Variants in CCSER1 observed in about 807,000 individuals in gnomAD.
The protein encoded by CCSER1 is coiled-coil serine rich protein 1, also known as serine-rich coiled-coil domain-containing protein 1.
In CCSER1, 41 loss-of-function variants were observed where a neutral mutation model predicts 82.0. The observed-to-expected ratio is 0.50, with a 90% confidence interval of 0.39 to 0.65. The LOEUF (loss-of-function observed/expected upper bound fraction) is 0.65, where lower values mean the gene tolerates loss of function less well. Ranked by LOEUF, CCSER1 falls within the 30% of genes least tolerant of loss-of-function variation. The probability of loss-of-function intolerance (pLI) is 0.00; values close to 1 mark genes in which losing one functional copy is unlikely to be tolerated. For missense variants in CCSER1, 1,119 were observed against 1,064.2 expected (o/e 1.05, Z -0.72); for synonymous variants, 414 against 383.9 (o/e 1.08, Z -0.92).
At chr4:90,248,892 G>T (rs112295085) in intron 1 of CCSER1, among the ~76,000 whole-genome samples, 6,766 of 151,412 alleles carry the variant, frequency 0.045, 383 homozygotes, top group African/African-American at 0.13. Flanking sequence ...TAGAGACAGG[G>T]TTTCACCATG....
At chr4:91,063,237 C>G (rs952536433) in intron 9 of CCSER1, among the ~76,000 whole-genome samples, 1 of 151,986 alleles carries the variant, frequency 6.6e-6, no homozygotes, top group Non-Finnish European at 1.5e-5. Flanking sequence ...AGATAGAGAC[C>G]AGTTGCAACT....
intron 1 of CCSER1, among the ~76,000 whole-genome samples, chr4:90,266,690 T>C (rs1725291775): frequency 6.6e-6 from 1 of 152,076 alleles, no homozygotes. Flanking sequence ...ATCAGGATTT[T>C]GCACTGGAAG....
chr4:91,310,252 C>T (rs1019290873), intron 10 of CCSER1, among the ~76,000 whole-genome samples: 15 of 151,842 alleles, frequency 9.9e-5, no homozygotes, highest in Non-Finnish European at 7.4e-5. Context: ...ATTTTATTAT[C>T]GTGCCTTGAC....
At chr4:90,369,024 G>T (rs2153523145) in intron 3 of CCSER1, among the ~76,000 whole-genome samples, 1 of 151,734 alleles carries the variant, frequency 6.6e-6, no homozygotes, top group Admixed American at 6.6e-5. Context: ...GAATGCCAAA[G>T]AAATAAATTT....
At chr4:91,340,311 G>A (rs1747626481) in intron 10 of CCSER1, among the ~76,000 whole-genome samples, 1 of 152,146 alleles carries the variant, frequency 6.6e-6, no homozygotes, top group South Asian at 2.1e-4. Context: ...AGATAAGGAA[G>A]AATTACTGTC....
intron 4 of CCSER1, among the ~76,000 whole-genome samples, chr4:90,437,088 T>C (rs1171946380): frequency 1.3e-5 from 2 of 152,182 alleles, no homozygotes; most frequent in Non-Finnish European, 2.9e-5. Flanking sequence ...CCCAAAGTGC[T>C]GGGATTTCAG....
chr4:90,269,561 G>A (rs148784632), intron 1 of CCSER1, among the ~76,000 whole-genome samples: 2 of 151,948 alleles, frequency 1.3e-5, no homozygotes, highest in African/African-American at 4.8e-5. Context: ...ATAGCTATAA[G>A]TATCTACATC....
At chr4:90,445,517 G>A (rs938250748) in intron 4 of CCSER1, among the ~76,000 whole-genome samples, 1 of 152,006 alleles carries the variant, frequency 6.6e-6, no homozygotes, top group Admixed American at 6.6e-5. Context: ...TTGTAGTGAT[G>A]TAAAATGTAG....
intron 1 of CCSER1, among the ~76,000 whole-genome samples, chr4:90,281,733 G>A (rs1026205979): frequency 1.3e-5 from 2 of 152,004 alleles, no homozygotes; most frequent in Non-Finnish European, 2.9e-5. Context: ...TCTGAAAACC[G>A]TAATTAGTAA....
intron 7 of CCSER1, chr4:90,725,085 T>C (rs1743395489): frequency 5.4e-6 from 2 of 373,678 alleles, no homozygotes; most frequent in Non-Finnish European, 1.1e-5. Context: ...CATTATTTAT[T>C]GAAACATTTT....
intron 8 of CCSER1, among the ~76,000 whole-genome samples, chr4:90,849,003 TA>T (rs1225374529): frequency 6.6e-6 from 1 of 152,242 alleles, no homozygotes; most frequent in Admixed American, 6.5e-5. Flanking sequence ...CATTTCTTTA[TA>T]AATTACCCAG....
At chr4:91,139,553 T>G (rs1728825495) in intron 10 of CCSER1, among the ~76,000 whole-genome samples, 1 of 152,108 alleles carries the variant, frequency 6.6e-6, no homozygotes, top group African/African-American at 2.4e-5. Context: ...AGGGGACAAA[T>G]GTAGTCATTG....
chr4:91,172,639 T>C (rs903934384), intron 10 of CCSER1, among the ~76,000 whole-genome samples: 1 of 152,194 alleles, frequency 6.6e-6, no homozygotes, highest in African/African-American at 2.4e-5. Context: ...CTAGTCAGAC[T>C]CTTCTGATCA....
chr4:91,166,789 A>C (rs1732129698), intron 10 of CCSER1, among the ~76,000 whole-genome samples: 1 of 152,174 alleles, frequency 6.6e-6, no homozygotes, highest in Admixed American at 6.5e-5. Flanking sequence ...ACGTGTAAAC[A>C]ATTAATGCTT....
chr4:91,369,251 G>T (rs1309897174), intron 10 of CCSER1, among the ~76,000 whole-genome samples: 1 of 152,170 alleles, frequency 6.6e-6, no homozygotes, highest in South Asian at 2.1e-4. Context: ...TACCCAAAGG[G>T]GATTGCTCCT....
chr4:91,541,585 C>A (rs1761599881), intron 10 of CCSER1, among the ~76,000 whole-genome samples: 1 of 152,176 alleles, frequency 6.6e-6, no homozygotes, highest in Admixed American at 6.5e-5. Context: ...GCATAGTATT[C>A]CATGGTGTAT....
intron 10 of CCSER1, among the ~76,000 whole-genome samples, chr4:91,167,150 G>T (rs1732164821): frequency 1.4e-5 from 2 of 146,498 alleles, no homozygotes; most frequent in South Asian, 2.2e-4. Flanking sequence ...ATTTGAATAA[G>T]TATAAAAATT....
At chr4:91,446,316 A>C (rs1755548944) in intron 10 of CCSER1, among the ~76,000 whole-genome samples, 1 of 152,116 alleles carries the variant, frequency 6.6e-6, no homozygotes, top group Admixed American at 6.6e-5. Flanking sequence ...TTTATTCATA[A>C]ATTAAGTAAA....
chr4:91,358,790 G>T (rs1055193258), intron 10 of CCSER1, among the ~76,000 whole-genome samples: 1 of 152,096 alleles, frequency 6.6e-6, no homozygotes, highest in African/African-American at 2.4e-5. Flanking sequence ...CTCTGGCGAG[G>T]TGTTCCACTG....
Sources: gnomAD v4.1 joint callset for allele counts (sites outside exome capture counted in the v4.1 genomes callset) on GRCh38, gnomAD v4.1.1 for gene constraint, MANE v1.5 for transcripts, NCBI Gene and HGNC (gene_info 2026-07-23, HGNC 2026-07-21) for gene names.